THOC1: variants seen among roughly 807,000 people sequenced by gnomAD.
THOC1 encodes the protein THO complex subunit 1.
A neutral mutation model predicts 97.3 loss-of-function variants in THOC1; 29 were observed. The observed-to-expected ratio is 0.30, with a 90% CI of 0.22 to 0.41. The LOEUF is 0.41. THOC1 is among the 10% of genes least tolerant of loss of function. The pLI is 1.00. For missense variants in THOC1, 529 were observed against 761.9 expected, an observed-to-expected ratio of 0.69 and a Z score of 3.60; for synonymous variants, 255 against 257.0, an observed-to-expected ratio of 0.99 and a Z score of 0.07.
intron 1 of THOC1, 45 bp downstream of exon 1, chr18:267,921 A>C: frequency 6.4e-7 from 1 of 1,564,356 alleles, no homozygotes. Context: ...AAGAGGACAA[A>C]GCATAGCGCC....
At chr18:265,638 C>T in intron 1 of THOC1, 108 bp from the exon 2 acceptor site, 2 of 851,458 alleles carry the variant, frequency 2.3e-6, no homozygotes, top group Non-Finnish European at 3.5e-6. Flanking sequence ...AATGCTTATA[C>T]CTGGGAAAAA....
chr18:255,449 A>G (rs1330785794), intron 7 of THOC1, among the ~76,000 whole-genome samples: 1 of 152,240 alleles, frequency 6.6e-6, no homozygotes, highest in Non-Finnish European at 1.5e-5. Context: ...CTGGATAGAC[A>G]AGCAAACCAG....
chr18:215,463 CTCATCT>C lies in THOC1; in HGVS notation c.1638_1643del (p.Asp547_Glu548del). On this transcript the variant is annotated inframe_deletion, in exon 20 of 21. Transcript: ENST00000261600. ...CCTTCAGTAGAGCATCATTATCTTC[CTCATCT>C]TCATCCTCACCTGTTTTTATTTCTT... The C allele has an allele frequency of 6.2e-7, 1 of 1,613,674 alleles. No individual in the cohort carries two copies. The highest frequency in any genetic ancestry group is 8.5e-7 in the Non-Finnish European group (1 of 1,179,714).
intron 18 of THOC1, among the ~76,000 whole-genome samples, chr18:217,485 C>G (rs9959848): frequency 0.017 from 2,592 of 152,282 alleles, 76 homozygotes; most frequent in African/African-American, 0.058. Flanking sequence ...ATGAGTCCAC[C>G]TAGTCTTATG....
At chr18:218,651 G>GTTT (rs946705305) in intron 18 of THOC1, among the ~76,000 whole-genome samples, 1 of 149,660 alleles carries the variant, frequency 6.7e-6, no homozygotes, top group South Asian at 2.1e-4. Flanking sequence ...ATCAGGGGGA[G>GTTT]TTTTTTTTTT....
At chr18:229,582 C>T (rs941210200) in intron 11 of THOC1, among the ~76,000 whole-genome samples, 1 of 151,966 alleles carries the variant, frequency 6.6e-6, no homozygotes, top group Non-Finnish European at 1.5e-5. Flanking sequence ...ACTCTGGAGG[C>T]TGAGGCAGGA....
At chr18:257,428 C>T (rs1294054011) in intron 7 of THOC1, among the ~76,000 whole-genome samples, 1 of 152,144 alleles carries the variant, frequency 6.6e-6, no homozygotes, top group East Asian at 1.9e-4. Flanking sequence ...AACAGATCTA[C>T]TGGTGCTGGA....
chr18:218,367 G>A (rs1910965299), intron 18 of THOC1, among the ~76,000 whole-genome samples: 1 of 151,234 alleles, frequency 6.6e-6, no homozygotes, highest in Non-Finnish European at 1.5e-5. Flanking sequence ...ATGAGACTGC[G>A]GTGTCACCCA....
rs916035648 is a variant in THOC1, at chr18:260,223, A to T, written c.338T>A (p.Phe113Tyr). The change falls in exon 5 of 21, where the codon TTC (phenylalanine) becomes TAC (tyrosine). Residue 113 changes from phenylalanine (F) to tyrosine (Y), a missense_variant. Phe to Tyr is a conservative substitution (Grantham distance 22, BLOSUM62 3). Transcript: ENST00000261600. The stretch of plus-strand genomic sequence containing the variant: ...AGCAACATTTTTTTCCACAAAAGTG[A>T]ATATTGTGTCACACTGATCCAAAGG... ...CLPLDQCDTI[F>Y]TFVEKNVATW... is the part of the protein sequence containing the mutation. 2 of 1,583,604 alleles carry T rather than the reference A, an allele frequency of 1.3e-6. No homozygotes were observed. Among genetic ancestry groups the T allele is most frequent in the African/African-American group, 2.7e-5 (2 of 73,696 alleles).
At chr18:235,894 G>A (rs1393618068) in intron 11 of THOC1, among the ~76,000 whole-genome samples, 3 of 152,240 alleles carry the variant, frequency 2.0e-5, no homozygotes, top group African/African-American at 7.2e-5. Flanking sequence ...CTAATCTTTA[G>A]TCAACCTGAT....
Position 247,955 on chromosome 18 carries a change from G to C in THOC1, c.680C>G (p.Ser227Cys). The C allele has an allele frequency of 2.6e-6, 4 of 1,528,864 alleles. No individual in the cohort carries two copies. Among genetic ancestry groups the C allele is most frequent in the Non-Finnish European group, 3.6e-6 (4 of 1,126,376 alleles). 94.7% of individuals were successfully genotyped at this position (1,528,864 alleles called of 1,614,324 possible). A position where few individuals can be genotyped will look rare whatever the true frequency, so the allele number is the denominator to read the frequency against. The change falls in exon 10 of 21, where the codon TCT becomes TGT. Residue 227 changes from serine to cysteine, a missense_variant and splice_region_variant. This residue lies in a region of THOC1 where 92 missense variants were observed against 127.0 expected (regional missense o/e 0.72). Coordinates refer to ENST00000261600, the MANE Select transcript of THOC1 (RefSeq NM_005131.3). The part of the protein sequence containing the change: ...MGDEEAPTTC[S>C]IPIDYNLYRK... ...ATACAGGTTGTAATCAATTGGAATAGAGCTAATAAAATAAACGTTATATTA... is the reference window on the plus strand; with the variant it reads ...ATACAGGTTGTAATCAATTGGAATACAGCTAATAAAATAAACGTTATATTA...
Position 224,117 on chromosome 18 carries a change from C to T in THOC1, c.1271G>A (p.Gly424Glu), listed in dbSNP as rs1384908220. Residue 424 changes from glycine (G) to glutamate (E), a missense_variant, in exon 16 of 21, where the codon GGG becomes GAG. By Grantham distance (98) the Gly-to-Glu change is moderately conservative (BLOSUM62 -2). Coordinates refer to ENST00000261600, the MANE Select transcript of THOC1 (RefSeq NM_005131.3). ...RKRTAPEDFL[G>E]KGPTKKILMG... ...CAGAATTTTTTTGGTGGGTCCTTTC[C>T]CTAGGAAGTCCTCGGGTGCTGTTCT... 6.2e-7 allele frequency: 1 copy of T among 1,611,072 alleles called. No homozygotes were observed. Among genetic ancestry groups the T allele is most frequent in the East Asian group, 2.2e-5 (1 of 44,824 alleles).
intron 4 of THOC1, among the ~76,000 whole-genome samples, chr18:263,321 C>T (rs1016383119): frequency 1.6e-4 from 25 of 151,984 alleles, no homozygotes; most frequent in Non-Finnish European, 3.2e-4. Flanking sequence ...CCTCATGATC[C>T]GCCCGTCTCA....
rs1420786196 is a variant in THOC1, at chr18:224,971, G to A, written c.1161C>T (p.Asn387=). The A allele has an allele frequency of 1.9e-6, 3 of 1,573,956 alleles. No homozygotes were observed. The highest frequency in any genetic ancestry group is 2.6e-6 in the Non-Finnish European group (3 of 1,157,618). The change falls in exon 15 of 21, where the codon AAC becomes AAT. Residue 387 remains asparagine (N), a synonymous_variant. Transcript: ENST00000261600. The part of the protein sequence containing the change: ...MVEHILNTEE[N]WNSWKNEGCP... ...AACCTTCATTTTTCCACGAGTTCCA[G>A]TTTTCTTCAGTGTTTAATATATGCT...
At chr18:229,518 T>A (rs1228677413) in intron 11 of THOC1, among the ~76,000 whole-genome samples, 2 of 148,434 alleles carry the variant, frequency 1.3e-5, no homozygotes, top group Admixed American at 6.7e-5. Context: ...CGTCTCTATT[T>A]AAAAAAAAAA....
At chr18:260,094 A>G in intron 5 of THOC1, 92 bp downstream of exon 5, 1 of 785,086 alleles carries the variant, frequency 1.3e-6, no homozygotes, top group East Asian at 3.2e-5. Flanking sequence ...ATTCAGCAAT[A>G]CTACAAATAA....
chr18:232,707 C>A (rs770450440), intron 11 of THOC1, among the ~76,000 whole-genome samples: 6 of 151,982 alleles, frequency 3.9e-5, no homozygotes, highest in Non-Finnish European at 8.8e-5. Context: ...TATATTTCAA[C>A]AGTGTATAAA....
At chr18:229,707 T>A (rs1257222046) in intron 11 of THOC1, among the ~76,000 whole-genome samples, 2 of 152,124 alleles carry the variant, frequency 1.3e-5, no homozygotes. Context: ...AAGTGTTTTG[T>A]CAAGATCACC....
intron 17 of THOC1, among the ~76,000 whole-genome samples, chr18:221,027 G>A (rs1180378213): frequency 1.3e-5 from 2 of 152,116 alleles, no homozygotes; most frequent in Non-Finnish European, 2.9e-5. Flanking sequence ...GATCTCAAAA[G>A]TCTGAACATG....
Sources: gnomAD v4.1 joint callset for allele counts (sites outside exome capture counted in the v4.1 genomes callset) on GRCh38, gnomAD v4.1.1 for gene constraint, gnomAD v4.1.1 regional missense constraint, MANE v1.5 for transcripts, NCBI Gene and HGNC (gene_info 2026-07-23, HGNC 2026-07-21) for gene names.